The following PABPC4L variants were observed in gnomAD, a reference collection of about 807,000 sequenced individuals.
The protein encoded by PABPC4L is poly(A) binding protein cytoplasmic 4 like, also known as polyadenylate-binding protein 4-like.
For synonymous variants in PABPC4L, 169 were observed against 164.1 expected (o/e 1.03, Z -0.23); for missense variants, 452 against 451.4 (o/e 1.00, Z -0.01).
chr4:134,138,081 T>A, the PABPC4L span, among the ~76,000 whole-genome samples: 1 of 151,682 alleles, frequency 6.6e-6, no homozygotes, highest in Non-Finnish European at 1.5e-5. Flanking sequence ...GAGTTAAGAT[T>A]TAAAATGTTT....
chr4:134,059,556 C>G, the PABPC4L span, among the ~76,000 whole-genome samples: 1 of 150,764 alleles, frequency 6.6e-6, no homozygotes, highest in Non-Finnish European at 1.5e-5. Flanking sequence ...AATTATTATC[C>G]TCAGGGAGAT....
At chr4:133,975,056 G>A in the PABPC4L span, among the ~76,000 whole-genome samples, 2 of 152,036 alleles carry the variant, frequency 1.3e-5, no homozygotes, top group Admixed American at 6.6e-5. Flanking sequence ...AATATTCATA[G>A]CATCATTATT....
the PABPC4L span, among the ~76,000 whole-genome samples, chr4:134,056,287 T>C: frequency 6.6e-6 from 1 of 152,046 alleles, no homozygotes; most frequent in South Asian, 2.1e-4. Context: ...CCCTATTTTA[T>C]ACTCTTTTTC....
the PABPC4L span, among the ~76,000 whole-genome samples, chr4:134,048,039 C>T: frequency 1.3e-5 from 2 of 151,784 alleles, no homozygotes; most frequent in African/African-American, 4.8e-5. Flanking sequence ...AAGTTTTATT[C>T]GATTGAAGAA....
the PABPC4L span, among the ~76,000 whole-genome samples, chr4:134,050,968 AC>A: frequency 1.3e-5 from 2 of 151,648 alleles, no homozygotes; most frequent in Non-Finnish European, 2.9e-5. Context: ...CTAATGTTAC[AC>A]ATTATATTTT....
the PABPC4L span, among the ~76,000 whole-genome samples, chr4:134,187,147 G>C: frequency 6.6e-6 from 1 of 151,976 alleles, no homozygotes; most frequent in Non-Finnish European, 1.5e-5. Flanking sequence ...ATTCCTCAAG[G>C]ATCTAGAACT....
chr4:134,039,389 T>C, the PABPC4L span, among the ~76,000 whole-genome samples: 1 of 152,172 alleles, frequency 6.6e-6, no homozygotes, highest in Admixed American at 6.6e-5. Context: ...GTTAATTTTC[T>C]GTTTCATTGA....
chr4:134,089,494 A>G, the PABPC4L span, among the ~76,000 whole-genome samples: 9 of 152,118 alleles, frequency 5.9e-5, no homozygotes, highest in Non-Finnish European at 8.8e-5. Context: ...CTACCATTAT[A>G]ATATCATATA....
At chr4:134,096,496 G>C in the PABPC4L span, among the ~76,000 whole-genome samples, 2 of 151,948 alleles carry the variant, frequency 1.3e-5, no homozygotes, top group East Asian at 3.9e-4. Flanking sequence ...CAAGTTTTTT[G>C]TACATATTGT....
the PABPC4L span, among the ~76,000 whole-genome samples, chr4:134,120,979 TC>T: frequency 6.6e-6 from 1 of 151,436 alleles, no homozygotes. Context: ...TGTCTCATAT[TC>T]TTTTTAGTGC....
At chr4:134,089,897 G>A in the PABPC4L span, among the ~76,000 whole-genome samples, 6 of 152,078 alleles carry the variant, frequency 3.9e-5, no homozygotes, top group African/African-American at 1.4e-4. Flanking sequence ...CATCCACTAC[G>A]GATCTTGGAA....
chr4:134,038,373 T>C, the PABPC4L span, among the ~76,000 whole-genome samples: 2 of 152,074 alleles, frequency 1.3e-5, no homozygotes, highest in Admixed American at 1.3e-4. Context: ...TTTTCTATTG[T>C]TTTGAATAGT....
chr4:133,975,673 C>A, the PABPC4L span, among the ~76,000 whole-genome samples: 34 of 152,046 alleles, frequency 2.2e-4, no homozygotes, highest in Non-Finnish European at 4.7e-4. Context: ...TCCTAACCCC[C>A]ATTATAACAG....
chr4:134,135,323 C>G, the PABPC4L span, among the ~76,000 whole-genome samples: 1 of 152,044 alleles, frequency 6.6e-6, no homozygotes, highest in Admixed American at 6.6e-5. Context: ...GGTCTCTGTT[C>G]TCAAATACTC....
At chr4:134,095,658 C>T in the PABPC4L span, among the ~76,000 whole-genome samples, 1 of 151,722 alleles carries the variant, frequency 6.6e-6, no homozygotes, top group Non-Finnish European at 1.5e-5. Context: ...TTTCATAAGC[C>T]CTTCAATGTT....
the PABPC4L span, among the ~76,000 whole-genome samples, chr4:134,091,250 A>C: frequency 2.6e-5 from 4 of 151,422 alleles, no homozygotes; most frequent in Non-Finnish European, 5.9e-5. Flanking sequence ...ATTCTTCAGT[A>C]CTTAACTTTT....
rs1374210484 is a variant in PABPC4L at position 134,199,221 on chromosome 4, T to C, written c.*686A>G. ...AGTGCAAGTTACAATTTAGATTAAC[T>C]AGTAAGTACCTGAATTATAGTCAAC... On this transcript the variant is annotated 3_prime_UTR_variant, in exon 2 of 2. Coordinates refer to ENST00000421491, the MANE Select transcript of PABPC4L (RefSeq NM_001114734.2). 6.6e-6 allele frequency: 1 copy of C among 152,078 alleles called. No homozygotes were observed. The highest frequency in any genetic ancestry group is 2.4e-5 in the African/African-American group (1 of 41,436). The allele number at this position is 152,078 out of a possible 1,614,324, so 9.4% of individuals were successfully genotyped here.
chr4:134,009,836 A>C, the PABPC4L span, among the ~76,000 whole-genome samples: 1 of 152,058 alleles, frequency 6.6e-6, no homozygotes, highest in Admixed American at 6.6e-5. Context: ...AATGTATATT[A>C]ATTGTTCTAT....
At chr4:134,129,249 C>T in the PABPC4L span, among the ~76,000 whole-genome samples, 5 of 152,040 alleles carry the variant, frequency 3.3e-5, no homozygotes, top group South Asian at 4.1e-4. Context: ...ACTCCACTGA[C>T]AGCTCTGGAC....
Sources: gnomAD v4.1 joint callset for allele counts (sites outside exome capture counted in the v4.1 genomes callset) on GRCh38, gnomAD v4.1.1 for gene constraint, MANE v1.5 for transcripts, NCBI Gene and HGNC (gene_info 2026-07-23, HGNC 2026-07-21) for gene names.